The following MYO1A variants were observed in gnomAD, a reference collection of about 807,000 sequenced individuals.
The protein encoded by MYO1A is unconventional myosin-Ia.
In MYO1A, 127 loss-of-function variants were observed where a neutral mutation model predicts 138.5. The observed-to-expected ratio is 0.92, with a 90% CI of 0.79 to 1.06. The LOEUF (loss-of-function observed/expected upper bound fraction) is 1.06, where lower values mean the gene tolerates loss of function less well. Among genes scored for constraint, MYO1A ranks in the 50% least tolerant of loss-of-function variants. The probability of loss-of-function intolerance (pLI) is 0.00; values close to 1 mark genes in which losing one functional copy is unlikely to be tolerated. For missense variants in MYO1A, 1,211 were observed against 1,288.8 expected (o/e 0.94, Z 0.92); for synonymous variants, 477 against 497.5 (o/e 0.96, Z 0.55).
In MYO1A at chr12:57,043,431, G is replaced by A. The variant is rs2030953883; in HGVS notation, c.893-73C>T. ...CAGGGGAGGGAGTGCAATCTGATAA[G>A]TGAAACTGCCTGAGACACTGGTGTC... On this transcript the variant is annotated intron_variant, in intron 10 of 27. Transcript: ENST00000300119. 2.8e-6 allele frequency: 4 copies of A among 1,406,380 alleles called. No individual in the cohort carries two copies. The South Asian group carries it at 4.6e-5, about 16-fold the overall frequency. 87.1% of individuals were successfully genotyped at this position (1,406,380 alleles called of 1,614,324 possible).
Position 57,036,313 on chromosome 12 carries a change from CT to C in MYO1A, c.2342del (p.Lys781ArgfsTer11). 1 of 1,613,700 alleles carries C rather than the reference CT, an allele frequency of 6.2e-7. No homozygotes were observed. Among genetic ancestry groups the C allele is most frequent in the South Asian group, 1.1e-5 (1 of 91,032 alleles). On this transcript the variant is annotated frameshift_variant, in exon 22 of 28. Coordinates refer to ENST00000300119, the MANE Select transcript of MYO1A (RefSeq NM_005379.4). LOFTEE classifies it high-confidence loss of function. ...CCTAACCCCTACCACTTACCATGCT[CT>C]TGTAGATGAAATCTGCCAAGGTGAG... ...AALTLADFIY[K>X]SMVQKFLLGL...
intron 25 of MYO1A, 40 bp downstream of exon 25, chr12:57,029,700 T>C: frequency 6.2e-7 from 1 of 1,614,100 alleles, no homozygotes; most frequent in South Asian, 1.1e-5. Flanking sequence ...CCCACAGCTC[T>C]GCACTAGCTG....
rs2030097133 is a variant in MYO1A at position 57,028,715 on chromosome 12, C to T, written c.*40G>A. The T allele has an allele frequency of 6.2e-7, 1 of 1,611,818 alleles. No homozygotes were observed. The highest frequency in any genetic ancestry group is 1.1e-5 in the South Asian group (1 of 90,622). On this transcript the variant is annotated 3_prime_UTR_variant, in exon 28 of 28. Coordinates refer to ENST00000300119, the MANE Select transcript of MYO1A (RefSeq NM_005379.4). Reference sequence around the variant, plus strand: ...GGGCAGAGGGGGATTAGTGCTGGTTCAGGAGGAAGCAACTGCCATCTCTGC... The same window carrying T: ...GGGCAGAGGGGGATTAGTGCTGGTTTAGGAGGAAGCAACTGCCATCTCTGC...
chr12:57,044,087 C>A lies in MYO1A; in HGVS notation c.744+19G>T. ...AGGATGACCTAAGGGCCCAAGCCTG[C>A]CTCACCCTGGGCACCCACCTGTACA... is the stretch of plus-strand genomic sequence containing the variant. On this transcript the variant is annotated intron_variant, in intron 9 of 27. Coordinates refer to ENST00000300119, the MANE Select transcript of MYO1A (RefSeq NM_005379.4). The A allele has an allele frequency of 6.2e-7, 1 of 1,614,128 alleles. No individual in the cohort carries two copies. Among genetic ancestry groups the A allele is most frequent in the Non-Finnish European group, 8.5e-7 (1 of 1,179,972 alleles).
At chr12:57,029,971 T>A in intron 24 of MYO1A, 99 bp from the exon 25 acceptor site, 1 of 1,557,718 alleles carries the variant, frequency 6.4e-7, no homozygotes, top group African/African-American at 1.4e-5. Flanking sequence ...TTCCCCCACA[T>A]CCACGTATCC....
Position 57,038,488 on chromosome 12 carries a change from TC to T in MYO1A, c.1683del (p.Thr562LeufsTer14). 6.2e-7 allele frequency: 1 copy of T among 1,614,154 alleles called. No individual in the cohort carries two copies. Among genetic ancestry groups the T allele is most frequent in the Non-Finnish European group, 8.5e-7 (1 of 1,180,038 alleles). ...NPKQASLKRP[P>X]TAGAQFKSSV... ...GAACTCTTGAACTGGGCCCCAGCAGTCGGGGGGCGTTTGAGAGATGCCTGCT... is the reference window on the plus strand; with the variant it reads ...GAACTCTTGAACTGGGCCCCAGCAGTGGGGGGCGTTTGAGAGATGCCTGCT... On this transcript the variant is annotated frameshift_variant, in exon 17 of 28. Transcript: ENST00000300119. LOFTEE classifies it high-confidence loss of function.
intron 23 of MYO1A, 73 bp downstream of exon 23, chr12:57,030,967 A>G: frequency 6.4e-7 from 1 of 1,571,966 alleles, no homozygotes. Flanking sequence ...TAGAAGAGGG[A>G]GGCAAAAGAG....
chr12:57,038,082 G>A lies in MYO1A; in HGVS notation c.1761-13C>T. Reference sequence around the variant, plus strand: ...GGGCTTTATGCACCTGGTGGGAGGTGGGGTAAGGCACAGCCTTCAGGAGCT... The same window carrying A: ...GGGCTTTATGCACCTGGTGGGAGGTAGGGTAAGGCACAGCCTTCAGGAGCT... On this transcript the variant is annotated splice_polypyrimidine_tract_variant and intron_variant, in intron 17 of 27. Coordinates refer to ENST00000300119, the MANE Select transcript of MYO1A (RefSeq NM_005379.4). 6.2e-7 allele frequency: 1 copy of A among 1,613,526 alleles called. No homozygotes were observed. Among genetic ancestry groups the A allele is most frequent in the East Asian group, 2.2e-5 (1 of 44,878 alleles).
intron 23 of MYO1A, 54 bp downstream of exon 23, chr12:57,030,986 G>A: frequency 6.2e-7 from 1 of 1,604,244 alleles, no homozygotes; most frequent in Non-Finnish European, 8.5e-7. Context: ...AGGAAAATCA[G>A]GGGGAGGGAA....
At chr12:57,043,810 G>A (rs1360348515) in intron 10 of MYO1A, 46 bp downstream of exon 10, 3 of 1,613,452 alleles carry the variant, frequency 1.9e-6, no homozygotes, top group Non-Finnish European at 2.5e-6. Context: ...CTTGTAGTAG[G>A]AAATTCAGGG....
intron 23 of MYO1A, among the ~76,000 whole-genome samples, 176 bp downstream of exon 23, chr12:57,030,864 G>A (rs1287049083): frequency 6.6e-6 from 1 of 152,120 alleles, no homozygotes; most frequent in Non-Finnish European, 1.5e-5. Flanking sequence ...CATGAATGTC[G>A]CTCATGCCAC....
In MYO1A at chr12:57,028,777, C is replaced by G. The variant is rs1239020072; in HGVS notation, c.3110G>C (p.Cys1037Ser). The G allele has an allele frequency of 6.2e-7, 1 of 1,614,140 alleles. No homozygotes were observed. ...KLRYKKKGSHCLEVTVQ is the reference protein window; with the variant it reads ...KLRYKKKGSHSLEVTVQ ...TCCTCACTGCACAGTCACCTCCAAG[C>G]AATGACTCCCCTTTTTTTTGTAGCG... Residue 1037 changes from cysteine to serine, a missense_variant, in exon 28 of 28, where the codon TGC becomes TCC. Coordinates refer to ENST00000300119, the MANE Select transcript of MYO1A (RefSeq NM_005379.4).
At chr12:57,039,692 G>T (rs895058050) in intron 14 of MYO1A, among the ~76,000 whole-genome samples, 1 of 151,972 alleles carries the variant, frequency 6.6e-6, no homozygotes, top group African/African-American at 2.4e-5. Context: ...CAAACAACAA[G>T]GCTAATTTGA....
Position 57,037,072 on chromosome 12 carries a change from TG to T in MYO1A, c.2074del (p.Gln692ArgfsTer4). 1.2e-6 allele frequency: 2 copies of T among 1,614,168 alleles called. No homozygotes were observed. Among genetic ancestry groups the T allele is most frequent in the Non-Finnish European group, 1.7e-6 (2 of 1,180,014 alleles). ...SPKTLFYLEEQRRLRLQQLAT... is the reference protein window; with the variant it reads ...SPKTLFYLEEXRRLRLQQLAT... ...CAGCTGCTGGAGTCTCAGGCGCCTC[TG>T]TTCTTCGAGGTAGAAAAGCTGTGGA... On this transcript the variant is annotated frameshift_variant, in exon 20 of 28. Coordinates refer to ENST00000300119, the MANE Select transcript of MYO1A (RefSeq NM_005379.4). LOFTEE classifies it high-confidence loss of function.
chr12:57,046,785 T>A, intron 7 of MYO1A, 78 bp downstream of exon 7: 1 of 1,557,400 alleles, frequency 6.4e-7, no homozygotes, highest in Non-Finnish European at 8.9e-7. Flanking sequence ...CATTCTGCCT[T>A]TCTACAGGAA....
chr12:57,045,752 C>G lies in MYO1A; in HGVS notation c.640+800G>C, dbSNP rs553475805. Among the ~76,000 whole-genome samples, 3 of 152,296 alleles carry G rather than the reference C, an allele frequency of 2.0e-5. No homozygotes were observed. The East Asian group carries it at 5.8e-4, about 29-fold the overall frequency. On this transcript the variant is annotated intron_variant, in intron 8 of 27. Coordinates refer to ENST00000300119, the MANE Select transcript of MYO1A (RefSeq NM_005379.4). Reference sequence around the variant, plus strand: ...AACTCCAGTAGGGCTTAAAGTCCACCAGACACTCCAGTGATGCCCACCCAG... The same window carrying G: ...AACTCCAGTAGGGCTTAAAGTCCACGAGACACTCCAGTGATGCCCACCCAG...
intron 8 of MYO1A, among the ~76,000 whole-genome samples, chr12:57,045,694 G>A (rs1015476968): frequency 3.3e-5 from 5 of 152,244 alleles, no homozygotes; most frequent in East Asian, 1.9e-4. Flanking sequence ...AGACACCCAC[G>A]GTGCTCACAG....
Position 57,036,800 on chromosome 12 carries a change from A to G in MYO1A, c.2246T>C (p.Leu749Ser). Residue 749 changes from leucine to serine, a missense_variant, in exon 21 of 28, where the codon TTG (leucine) becomes TCG (serine). By Grantham distance (145) the Leu-to-Ser change is moderately radical. Coordinates refer to ENST00000300119, the MANE Select transcript of MYO1A (RefSeq NM_005379.4). Reference sequence around the variant, plus strand: ...CCACCCTCTCACAAAAGCCTGGATCAATAACACGGATGCCTTTATCTTCCC... The same window carrying G: ...CCACCCTCTCACAAAAGCCTGGATCGATAACACGGATGCCTTTATCTTCCC... ...CYGKIKASVL[L>S]IQAFVRGWKA... is the part of the protein sequence containing the mutation. 6.2e-7 allele frequency: 1 copy of G among 1,614,260 alleles called. No homozygotes were observed. Among genetic ancestry groups the G allele is most frequent in the Middle Eastern group, 1.6e-4 (1 of 6,062 alleles).
Position 57,049,346 on chromosome 12 carries a change from C to T in MYO1A, c.-21+541G>A, listed in dbSNP as rs529253887. On this transcript the variant is annotated intron_variant, in intron 1 of 27. Coordinates refer to ENST00000300119, the MANE Select transcript of MYO1A (RefSeq NM_005379.4). The stretch of plus-strand genomic sequence containing the variant: ...TACAATGGTCAAGGCCACTCCTGAA[C>T]AGGAATGAAAGAGACACATCCTCCT... 1.7e-4 allele frequency among the ~76,000 whole-genome samples: 26 copies of T among 152,330 alleles called. No homozygotes were observed. The South Asian group carries it at 5.4e-3, about 32-fold the overall frequency.
Sources: allele counts gnomAD v4.1 joint callset (sites outside exome capture counted in the v4.1 genomes callset), GRCh38; gene constraint gnomAD v4.1.1; transcripts MANE v1.5; gene names NCBI Gene and HGNC (gene_info 2026-07-23, HGNC 2026-07-21).